COL4A6: variants seen among roughly 807,000 people sequenced by gnomAD.
The protein encoded by COL4A6 is collagen alpha-6(IV) chain.
Under a neutral mutation model 126.7 loss-of-function variants are expected in COL4A6, and 59 were observed. That is an observed-to-expected ratio of 0.47 (90% CI 0.38 to 0.58). COL4A6 has a LOEUF of 0.58. COL4A6 is among the 20% of genes least tolerant of loss of function. The pLI is 0.00. For missense variants in COL4A6, 1,285 were observed against 1,337.3 expected, an observed-to-expected ratio of 0.96 and a Z score of 0.61; for synonymous variants, 547 against 496.6, an observed-to-expected ratio of 1.10 and a Z score of -1.35.
rs2033762571 is a variant in COL4A6 at position 108,157,077 on chromosome X, G to A, written c.4996C>T (p.Pro1666Ser). The A allele has an allele frequency of 8.3e-7, 1 of 1,209,923 alleles. No individual in the cohort carries two copies. ...VEERQQFGEL[P>S]VSETLKAGQL... ...CCAGCTTTCAGCGTTTCAGACACAG[G>A]CAACTCCCCAAACTGCTGCCTCTCC... Residue 1666 changes from proline to serine, a missense_variant, in exon 45 of 45, where the codon CCT becomes TCT. Coordinates refer to ENST00000334504, the MANE Select transcript of COL4A6 (RefSeq NM_033641.4).
chrX:108,412,466 A>G (rs901716478), intron 2 of COL4A6, among the ~76,000 whole-genome samples: 8 of 112,047 alleles, frequency 7.1e-5, no homozygotes, highest in African/African-American at 2.6e-4. Context: ...CAAGACTGCC[A>G]TGAATTCATA....
chrX:108,354,792 C>T (rs2039923079), intron 2 of COL4A6, among the ~76,000 whole-genome samples: 1 of 110,730 alleles, frequency 9.0e-6, no homozygotes, highest in African/African-American at 3.3e-5. Context: ...GAAAGTCTGA[C>T]AGGGAACCCA....
At chrX:108,305,170 A>G (rs1054962312) in intron 3 of COL4A6, among the ~76,000 whole-genome samples, 4 of 112,135 alleles carry the variant, frequency 3.6e-5, no homozygotes, top group African/African-American at 1.3e-4. Context: ...CTCAGTTTTA[A>G]AGGATGGAAA....
chrX:108,382,338 T>C (rs1017701987), intron 2 of COL4A6, among the ~76,000 whole-genome samples: 1 of 112,081 alleles, frequency 8.9e-6, no homozygotes, highest in Non-Finnish European at 1.9e-5. Flanking sequence ...GAAGATGAAA[T>C]GATTTAATTG....
intron 17 of COL4A6, among the ~76,000 whole-genome samples, chrX:108,192,946 C>T (rs2148163342): frequency 8.9e-6 from 1 of 112,439 alleles, no homozygotes; most frequent in East Asian, 2.8e-4. Flanking sequence ...GAGTGGTACA[C>T]AGGAAGCCAC....
chrX:108,406,937 TG>T (rs1017738043), intron 2 of COL4A6, among the ~76,000 whole-genome samples: 2 of 111,521 alleles, frequency 1.8e-5, no homozygotes, highest in African/African-American at 6.5e-5. Flanking sequence ...ATAATGATTG[TG>T]GAAGGAAGGA....
At chrX:108,339,639 A>G (rs2039512702) in intron 2 of COL4A6, among the ~76,000 whole-genome samples, 1 of 111,502 alleles carries the variant, frequency 9.0e-6, no homozygotes, top group East Asian at 2.8e-4. Flanking sequence ...GGAAATGAAC[A>G]TATTTTGATC....
intron 3 of COL4A6, among the ~76,000 whole-genome samples, chrX:108,258,385 A>G (rs2147708037): frequency 8.9e-6 from 1 of 112,194 alleles, no homozygotes; most frequent in Non-Finnish European, 1.9e-5. Context: ...AACTAGAGGT[A>G]TAAGTCACTT....
chrX:108,236,498 A>T (rs1408132235), intron 3 of COL4A6, among the ~76,000 whole-genome samples: 1 of 111,626 alleles, frequency 9.0e-6, no homozygotes, highest in Non-Finnish European at 1.9e-5. Flanking sequence ...CAGGGATCCT[A>T]GCCCTTGGGA....
intron 2 of COL4A6, among the ~76,000 whole-genome samples, chrX:108,428,637 C>T (rs1280403927): frequency 9.1e-6 from 1 of 110,216 alleles, no homozygotes; most frequent in African/African-American, 3.3e-5. Context: ...CACGAGTTTA[C>T]CTATGTAACA....
rs758604924 is a variant in COL4A6, at chrX:108,374,940, T to C, written c.63+63002A>G. On this transcript the variant is annotated intron_variant, in intron 2 of 44. Transcript: ENST00000334504. ...GGCTTGCAGTCTCTTTAATAAAATT[T>C]AGAAAAGTATTTTCAAGGCGTTAAG... is the stretch of plus-strand genomic sequence containing the variant. Among the ~76,000 whole-genome samples the C allele has an allele frequency of 5.4e-5, 6 of 112,121 alleles. No individual in the cohort carries two copies. In the South Asian group the frequency reaches 1.5e-3, roughly 28 times the overall value.
chrX:108,369,191 G>A (rs1227499810), intron 2 of COL4A6, among the ~76,000 whole-genome samples: 1 of 111,009 alleles, frequency 9.0e-6, no homozygotes, highest in African/African-American at 3.3e-5. Context: ...TGTTACAATG[G>A]GTATAATGTC....
At chrX:108,213,422 T>G (rs1264826622) in intron 6 of COL4A6, among the ~76,000 whole-genome samples, 1 of 111,822 alleles carries the variant, frequency 8.9e-6, no homozygotes, top group Non-Finnish European at 1.9e-5. Context: ...TCTGGATGAA[T>G]AGAATTAAAT....
chrX:108,254,459 A>G (rs1294029192), intron 3 of COL4A6, among the ~76,000 whole-genome samples: 1 of 111,620 alleles, frequency 9.0e-6, no homozygotes, highest in Non-Finnish European at 1.9e-5. Context: ...AAGCACTTCT[A>G]GACAGTTGCA....
chrX:108,193,717 T>TA lies in COL4A6; in HGVS notation c.1003-21dup, dbSNP rs765967245. On this transcript the variant is annotated intron_variant, in intron 16 of 44. Coordinates refer to ENST00000334504, the MANE Select transcript of COL4A6 (RefSeq NM_033641.4). ...TTGACCCTGCAAAGATTAAGTACAT[T>TA]AAACACAAATATTTCCATTTCCTTA... The TA allele has an allele frequency of 1.7e-6, 2 of 1,146,514 alleles. No homozygotes were observed. The highest frequency in any genetic ancestry group is 2.4e-6 in the Non-Finnish European group (2 of 840,751). The allele number at this position is 1,146,514 out of a possible 1,213,427, so 94.5% of individuals were successfully genotyped here.
At chrX:108,433,789 G>T (rs1281706501) in intron 2 of COL4A6, among the ~76,000 whole-genome samples, 4 of 111,560 alleles carry the variant, frequency 3.6e-5, no homozygotes, top group Non-Finnish European at 3.8e-5. Flanking sequence ...CTCCCAAACT[G>T]CTGGGATTAC....
chrX:108,425,272 T>C (rs1304052906), intron 2 of COL4A6, among the ~76,000 whole-genome samples: 10 of 107,034 alleles, frequency 9.3e-5, no homozygotes, highest in African/African-American at 1.4e-4. Flanking sequence ...AGAGCGTGAA[T>C]TATGTGTGCA....
intron 25 of COL4A6, among the ~76,000 whole-genome samples, chrX:108,180,288 G>A (rs2034642367): frequency 9.0e-6 from 1 of 111,534 alleles, no homozygotes; most frequent in Non-Finnish European, 1.9e-5. Flanking sequence ...TTAAGGGGTT[G>A]CCCCAGCTGA....
chrX:108,282,570 A>G (rs987118754), intron 3 of COL4A6, among the ~76,000 whole-genome samples: 1 of 111,145 alleles, frequency 9.0e-6, no homozygotes, highest in Non-Finnish European at 1.9e-5. Flanking sequence ...TAGTTCAACC[A>G]TTGTGGAAGT....
Sources: gnomAD v4.1 joint callset for allele counts (sites outside exome capture counted in the v4.1 genomes callset) on GRCh38, gnomAD v4.1.1 for gene constraint, MANE v1.5 for transcripts, NCBI Gene and HGNC (gene_info 2026-07-23, HGNC 2026-07-21) for gene names.